Variants in KIAA2012 observed in about 807,000 individuals in gnomAD.
The protein encoded by KIAA2012 is KIAA2012.
A neutral mutation model predicts 150.6 loss-of-function variants in KIAA2012; 125 were observed. The observed-to-expected ratio is 0.83, with a 90% CI of 0.72 to 0.96. KIAA2012 has a LOEUF of 0.96. Among genes scored for constraint, KIAA2012 ranks in the 40% least tolerant of loss-of-function variants. KIAA2012 has a pLI of 0.00. For missense variants in KIAA2012, 1,219 were observed against 1,354.9 expected (o/e 0.90, Z 1.57); for synonymous variants, 462 against 504.7 (o/e 0.92, Z 1.13).
At chr2:202,101,518 T>C (rs1690043898) in intron 7 of KIAA2012, among the ~76,000 whole-genome samples, 2 of 152,234 alleles carry the variant, frequency 1.3e-5, no homozygotes, top group African/African-American at 4.8e-5. Flanking sequence ...GTCCCTTCCC[T>C]CAACCCATGT....
chr2:202,077,721 A>G (rs1472316145), intron 2 of KIAA2012, among the ~76,000 whole-genome samples: 2 of 152,246 alleles, frequency 1.3e-5, no homozygotes, highest in Non-Finnish European at 1.5e-5. Flanking sequence ...CCTGTAATCC[A>G]GCACTTTGGG....
At chr2:202,179,304 C>A in intron 15 of KIAA2012, 1 of 1,194,838 alleles carries the variant, frequency 8.4e-7, no homozygotes, top group Non-Finnish European at 1.2e-6. Context: ...GATGGCGGAG[C>A]GCGGTACGGC....
chr2:202,115,320 CCCTCCCCTTCCAG>C (rs1411407489), intron 11 of KIAA2012: 1 of 152,126 alleles, frequency 6.6e-6, no homozygotes, highest in Admixed American at 6.6e-5. Flanking sequence ...ACCGTCTCCA[CCCTCCCCTTCCAG>C]CCTCATCTCC....
intron 14 of KIAA2012, among the ~76,000 whole-genome samples, chr2:202,158,919 T>C (rs966820113): frequency 3.9e-4 from 59 of 152,204 alleles, no homozygotes; most frequent in African/African-American, 1.3e-3. Flanking sequence ...GTGTATGTTA[T>C]GCCCAGAACA....
At chr2:202,117,877 T>TTATA (rs1178918065) in intron 11 of KIAA2012, among the ~76,000 whole-genome samples, 2 of 152,240 alleles carry the variant, frequency 1.3e-5, no homozygotes, top group Non-Finnish European at 2.9e-5. Context: ...TTTCCCAAAC[T>TTATA]TATTTGATCA....
chr2:202,196,918 A>G lies in KIAA2012; in HGVS notation c.3306A>G (p.Glu1102=). The change falls in exon 22 of 24, where the codon GAA becomes GAG. Residue 1102 remains glutamate (E), a synonymous_variant. Transcript: ENST00000498697. ...LEYQRRKQEA[E]EKARLEAEER... ...ACCAGCGGCGGAAACAGGAAGCAGAAGAGAAGGCTCGGCTGGAGGCAGAGG... is the reference window on the plus strand; with the variant it reads ...ACCAGCGGCGGAAACAGGAAGCAGAGGAGAAGGCTCGGCTGGAGGCAGAGG... 4.5e-6 allele frequency: 7 copies of G among 1,550,778 alleles called. No homozygotes were observed. Among genetic ancestry groups the G allele is most frequent in the Non-Finnish European group, 6.1e-6 (7 of 1,147,010 alleles).
intron 5 of KIAA2012, among the ~76,000 whole-genome samples, chr2:202,099,241 C>T (rs1305427297): frequency 2.0e-5 from 3 of 152,108 alleles, no homozygotes; most frequent in South Asian, 4.1e-4. Flanking sequence ...CCTCCTGCCT[C>T]GGCCTCCCAA....
At chr2:202,105,652 C>T in intron 8 of KIAA2012, 109 bp from the exon 9 acceptor site, 1 of 1,411,670 alleles carries the variant, frequency 7.1e-7, no homozygotes, top group Non-Finnish European at 9.5e-7. Flanking sequence ...GACACTGCTC[C>T]AACCAAACCA....
Position 202,113,324 on chromosome 2 carries a change from C to A in KIAA2012, c.1652-12C>A. On this transcript the variant is annotated splice_polypyrimidine_tract_variant and intron_variant, in intron 10 of 23. Coordinates refer to ENST00000498697, the MANE Select transcript of KIAA2012 (RefSeq NM_001277372.4). ...GGTACTGACACTGCCTATGCTTGTG[C>A]TTATTTTCAAGAAGATTCCAGCGAC... The A allele has an allele frequency of 6.5e-7, 1 of 1,545,650 alleles. No homozygotes were observed. The highest frequency in any genetic ancestry group is 8.8e-7 in the Non-Finnish European group (1 of 1,142,586).
chr2:202,093,057 A>G lies in KIAA2012; in HGVS notation c.557A>G (p.Gln186Arg). The G allele has an allele frequency of 6.4e-7, 1 of 1,550,650 alleles. No individual in the cohort carries two copies. The highest frequency in any genetic ancestry group is 8.7e-7 in the Non-Finnish European group (1 of 1,146,994). The change falls in exon 4 of 24, where the codon CAG becomes CGG. Residue 186 changes from glutamine (Q) to arginine (R), a missense_variant. Transcript: ENST00000498697. ...AGYIKDSVLL[Q>R]DSQLNVPKKL... is the part of the protein sequence containing the mutation. ...TACATCAAGGATTCTGTGCTACTCC[A>G]GGACAGTCAACTTAATGTACCAAAG...
intron 10 of KIAA2012, among the ~76,000 whole-genome samples, chr2:202,112,867 A>G (rs1690408491): frequency 6.6e-6 from 1 of 152,248 alleles, no homozygotes; most frequent in South Asian, 2.1e-4. Flanking sequence ...AGCCCCTGGC[A>G]TCACCAAGCC....
rs138288219 is a variant in KIAA2012 at position 202,097,979 on chromosome 2, A to C, written c.828+402A>C. 1.6e-3 allele frequency among the ~76,000 whole-genome samples: 243 copies of C among 152,290 alleles called. 1 individual carries two copies. The highest frequency in any genetic ancestry group is 2.9e-3 in the Non-Finnish European group (197 of 68,030). The stretch of plus-strand genomic sequence containing the variant: ...CCCTTTGCCATTTCTTGAGACTTCC[A>C]GAGAAGGGAAGAGTACTTTGACCTT... On this transcript the variant is annotated intron_variant, in intron 5 of 23. Transcript: ENST00000498697.
chr2:202,089,373 GA>G (rs1333535132), intron 2 of KIAA2012, among the ~76,000 whole-genome samples: 3 of 152,160 alleles, frequency 2.0e-5, no homozygotes, highest in Non-Finnish European at 4.4e-5. Context: ...CACCTGCTTC[GA>G]AACATCTTTA....
At chr2:202,156,722 A>G (rs566241676) in intron 14 of KIAA2012, among the ~76,000 whole-genome samples, 1 of 152,246 alleles carries the variant, frequency 6.6e-6, no homozygotes, top group East Asian at 1.9e-4. Flanking sequence ...CATCTCTACT[A>G]AAAATACAAA....
chr2:202,084,652 C>T (rs906123335), intron 2 of KIAA2012, among the ~76,000 whole-genome samples: 1 of 152,158 alleles, frequency 6.6e-6, no homozygotes, highest in Non-Finnish European at 1.5e-5. Flanking sequence ...CTCCCTGGCT[C>T]CCTTCTGTCT....
intron 15 of KIAA2012, chr2:202,179,542 C>G (rs959460714): frequency 5.8e-6 from 4 of 689,994 alleles, no homozygotes; most frequent in African/African-American, 5.3e-5. Context: ...GCCCAGATAA[C>G]AAAGTGCTTG....
chr2:202,202,622 TCC>T, intron 23 of KIAA2012, 35 bp downstream of exon 23: 1 of 398,370 alleles, frequency 2.5e-6, no homozygotes, highest in East Asian at 3.6e-5. Flanking sequence ...AAGGAGAAAT[TCC>T]CCTTTATAAT....
intron 13 of KIAA2012, among the ~76,000 whole-genome samples, chr2:202,139,734 A>G (rs1691160485): frequency 6.6e-6 from 1 of 152,202 alleles, no homozygotes; most frequent in South Asian, 2.1e-4. Context: ...CATATTTTAA[A>G]TGCCCACTTT....
intron 9 of KIAA2012, among the ~76,000 whole-genome samples, chr2:202,108,856 A>G (rs1690270207): frequency 6.6e-6 from 1 of 152,184 alleles, no homozygotes; most frequent in Admixed American, 6.5e-5. Context: ...CAATTTTTAA[A>G]CCCAAATATT....
Sources: allele counts gnomAD v4.1 joint callset (sites outside exome capture counted in the v4.1 genomes callset), GRCh38; gene constraint gnomAD v4.1.1; transcripts MANE v1.5; gene names NCBI Gene and HGNC (gene_info 2026-07-23, HGNC 2026-07-21).